PCSK1: variants seen among roughly 807,000 people sequenced by gnomAD.
PCSK1 encodes the protein proprotein convertase subtilisin/kexin type 1, also known as neuroendocrine convertase 1.
A neutral mutation model predicts 90.6 loss-of-function variants in PCSK1; 56 were observed. The observed-to-expected ratio is 0.62, with a 90% CI of 0.50 to 0.77. The LOEUF is 0.77. PCSK1 is among the 30% of genes least tolerant of loss of function. The probability of loss-of-function intolerance (pLI) is 0.00; values close to 1 mark genes in which losing one functional copy is unlikely to be tolerated. For synonymous variants in PCSK1, 348 were observed against 342.4 expected (o/e 1.02, Z -0.18); for missense variants, 801 against 932.6 (o/e 0.86, Z 1.84).
intron 5 of PCSK1, among the ~76,000 whole-genome samples, chr5:96,419,001 T>A (rs2112433603): frequency 6.6e-6 from 1 of 152,196 alleles, no homozygotes; most frequent in South Asian, 2.1e-4. Flanking sequence ...AGCAAACACT[T>A]ACTTAACTTT....
intron 9 of PCSK1, among the ~76,000 whole-genome samples, chr5:96,404,351 T>C (rs1157388392): frequency 6.6e-6 from 1 of 152,228 alleles, no homozygotes; most frequent in Non-Finnish European, 1.5e-5. Flanking sequence ...AAGGTCTGAA[T>C]AGTTGCTGGC....
intron 3 of PCSK1, 119 bp from the exon 4 acceptor site, chr5:96,423,578 GA>G: frequency 1.1e-6 from 1 of 880,104 alleles, no homozygotes; most frequent in Non-Finnish European, 1.9e-6. Flanking sequence ...CTACTCTTTA[GA>G]AGAAGCCAAT....
At chr5:96,428,288 G>A (rs1761382718) in intron 2 of PCSK1, among the ~76,000 whole-genome samples, 1 of 152,150 alleles carries the variant, frequency 6.6e-6, no homozygotes, top group African/African-American at 2.4e-5. Flanking sequence ...TTGAAAGGAT[G>A]TTTTTAATCC....
At chr5:96,409,775 G>A (rs1760692604) in intron 8 of PCSK1, among the ~76,000 whole-genome samples, 1 of 152,170 alleles carries the variant, frequency 6.6e-6, no homozygotes, top group Non-Finnish European at 1.5e-5. Flanking sequence ...TCGGTAGAAT[G>A]CCACTGTCTA....
At chr5:96,409,764 C>T (rs1760691922) in intron 8 of PCSK1, among the ~76,000 whole-genome samples, 1 of 152,300 alleles carries the variant, frequency 6.6e-6, no homozygotes, top group African/African-American at 2.4e-5. Context: ...CATAAAACCC[C>T]TCGGTAGAAT....
chr5:96,428,965 T>A (rs958797448), intron 2 of PCSK1, among the ~76,000 whole-genome samples: 1 of 152,138 alleles, frequency 6.6e-6, no homozygotes, highest in Non-Finnish European at 1.5e-5. Flanking sequence ...TAGATATATA[T>A]GTAATTATAT....
At chr5:96,429,100 T>C in intron 2 of PCSK1, 113 bp downstream of exon 2, 1 of 672,328 alleles carries the variant, frequency 1.5e-6, no homozygotes, top group South Asian at 1.7e-5. Flanking sequence ...TAAACAATCT[T>C]GGTCACAATA....
chr5:96,425,038 AAGAAAGAAAGAAAG>A (rs1761254062), intron 3 of PCSK1, among the ~76,000 whole-genome samples: 2 of 145,230 alleles, frequency 1.4e-5, no homozygotes, highest in African/African-American at 5.5e-5. Flanking sequence ...GAAAGAAAGA[AAGAAAGAAAGAAAG>A]AAAGAAAGAA....
At chr5:96,422,481 A>G (rs893501511) in intron 4 of PCSK1, among the ~76,000 whole-genome samples, 2 of 152,150 alleles carry the variant, frequency 1.3e-5, no homozygotes, top group Admixed American at 6.5e-5. Context: ...GAAATTCAAG[A>G]CAAGCTTCCA....
chr5:96,421,768 C>A (rs1216120351), intron 5 of PCSK1, 112 bp downstream of exon 5: 4 of 769,290 alleles, frequency 5.2e-6, no homozygotes, highest in Non-Finnish European at 7.1e-6. Flanking sequence ...GGATGTTGTG[C>A]ATTAACATTT....
At chr5:96,407,651 T>C (rs1414217310) in intron 9 of PCSK1, among the ~76,000 whole-genome samples, 2 of 152,216 alleles carry the variant, frequency 1.3e-5, no homozygotes, top group African/African-American at 2.4e-5. Context: ...GACAATGGTG[T>C]TTAAGCATGA....
intron 9 of PCSK1, among the ~76,000 whole-genome samples, chr5:96,406,844 C>T (rs1760587166): frequency 6.6e-6 from 1 of 152,158 alleles, no homozygotes; most frequent in South Asian, 2.1e-4. Context: ...TAATATGCAA[C>T]CATAGCACCT....
rs1225474199 is a variant in PCSK1, at chr5:96,423,407, G to A, written c.449C>T (p.Pro150Leu). Residue 150 changes from proline to leucine, a missense_variant, in exon 4 of 14, where the codon CCT becomes CTT. Transcript: ENST00000311106. ...ALPKLDLHVIPVWQKGITGKG... is the reference protein window; with the variant it reads ...ALPKLDLHVILVWQKGITGKG... ...GCCCGTAATGCCTTTTTGCCAAACA[G>A]GTATCACATGAAGGTCCAGCTTGGG... 1 of 1,613,984 alleles carries A rather than the reference G, an allele frequency of 6.2e-7. No homozygotes were observed. Among genetic ancestry groups the A allele is most frequent in the Non-Finnish European group, 8.5e-7 (1 of 1,179,854 alleles).
intron 11 of PCSK1, 145 bp downstream of exon 11, chr5:96,398,734 A>G: frequency 1.4e-6 from 1 of 737,036 alleles, no homozygotes. Flanking sequence ...TAACACCAAG[A>G]AAAAGGAAAA....
intron 2 of PCSK1, among the ~76,000 whole-genome samples, chr5:96,427,379 T>C (rs1278275243): frequency 6.6e-6 from 1 of 152,222 alleles, no homozygotes; most frequent in East Asian, 1.9e-4. Flanking sequence ...GTCTTTCTAT[T>C]ATGCATTATA....
Position 96,431,378 on chromosome 5 carries a change from C to A in PCSK1, c.180+1485G>T, listed in dbSNP as rs1761490150. 1.3e-5 allele frequency among the ~76,000 whole-genome samples: 2 copies of A among 152,184 alleles called. 1 individual carries two copies. Among genetic ancestry groups the A allele is most frequent in the South Asian group, 4.1e-4 (2 of 4,826 alleles). ...TTCTCCTTTGGGCAGTTTTCATTCA[C>A]CCCTCCCGAATTCCCTACTACTTTC... On this transcript the variant is annotated intron_variant, in intron 1 of 13. Transcript: ENST00000311106.
chr5:96,423,336 G>A lies in PCSK1; in HGVS notation c.520C>T (p.His174Tyr). 5 of 1,612,128 alleles carry A rather than the reference G, an allele frequency of 3.1e-6. No individual in the cohort carries two copies. Among genetic ancestry groups the A allele is most frequent in the Non-Finnish European group, 4.2e-6 (5 of 1,179,020 alleles). The change falls in exon 4 of 14, where the codon CAC (histidine) becomes TAC (tyrosine). Residue 174 changes from histidine to tyrosine, a missense_variant. By Grantham distance (83) the His-to-Tyr change is moderately conservative (BLOSUM62 2). Transcript: ENST00000311106. Reference sequence around the variant, plus strand: ...ACATAGTTGGCATAAATGTCCGTGTGATTCCACTCCAAACCATCATCCAGT... The same window carrying A: ...ACATAGTTGGCATAAATGTCCGTGTAATTCCACTCCAAACCATCATCCAGT... ...TVLDDGLEWN[H>Y]TDIYANYDPE...
chr5:96,419,936 G>A (rs778181754), intron 5 of PCSK1, among the ~76,000 whole-genome samples: 1 of 152,010 alleles, frequency 6.6e-6, no homozygotes, highest in East Asian at 1.9e-4. Flanking sequence ...TGCAGCCATC[G>A]TACAAGTTAT....
At chr5:96,415,939 T>C (rs1411000812) in intron 6 of PCSK1, 94 bp downstream of exon 6, 8 of 812,358 alleles carry the variant, frequency 9.8e-6, no homozygotes, top group Non-Finnish European at 1.8e-5. Context: ...GTTCCTCCAG[T>C]TGTTAAAAAG....
Sources: allele counts gnomAD v4.1 joint callset (sites outside exome capture counted in the v4.1 genomes callset), GRCh38; gene constraint gnomAD v4.1.1; transcripts MANE v1.5; gene names NCBI Gene and HGNC (gene_info 2026-07-23, HGNC 2026-07-21).